The following PDE7B variants were observed in gnomAD, a reference collection of about 807,000 sequenced individuals.
PDE7B encodes the protein 3',5'-cyclic-AMP phosphodiesterase 7B.
PDE7B carries 29 observed loss-of-function variants against 56.2 expected under a neutral mutation model. The ratio of observed to expected loss-of-function variants is 0.52; its 90% CI spans 0.38 to 0.70. The LOEUF (loss-of-function observed/expected upper bound fraction) is 0.70, where lower values mean the gene tolerates loss of function less well. PDE7B is among the 30% of genes least tolerant of loss of function. PDE7B has a pLI of 0.00. For missense variants in PDE7B, 490 were observed against 565.0 expected (o/e 0.87, Z 1.35); for synonymous variants, 197 against 196.9 (o/e 1.00, Z 0.00).
intron 1 of PDE7B, among the ~76,000 whole-genome samples, chr6:135,929,092 G>A (rs1395761847): frequency 1.3e-5 from 2 of 152,134 alleles, no homozygotes; most frequent in African/African-American, 4.8e-5. Flanking sequence ...CCTTCTGCAT[G>A]CTACTTTTGT....
At chr6:136,037,244 G>T in intron 2 of PDE7B, among the ~76,000 whole-genome samples, 1 of 152,214 alleles carries the variant, frequency 6.6e-6, no homozygotes, top group East Asian at 1.9e-4. Flanking sequence ...GAATGAGCCT[G>T]AGCCACATAT....
intron 2 of PDE7B, among the ~76,000 whole-genome samples, chr6:135,978,637 ATTCT>A (rs991379159): frequency 2.6e-5 from 4 of 152,130 alleles, no homozygotes; most frequent in African/African-American, 7.2e-5. Context: ...GTACAAAAAA[ATTCT>A]TTATACCCTT....
intron 1 of PDE7B, among the ~76,000 whole-genome samples, chr6:135,922,053 A>C (rs866609331): frequency 7.9e-5 from 12 of 152,172 alleles, no homozygotes; most frequent in African/African-American, 2.7e-4. Context: ...ATATGAAATA[A>C]ATCTTGGGGA....
intron 1 of PDE7B, among the ~76,000 whole-genome samples, chr6:135,931,682 G>T (rs1414560450): frequency 6.6e-6 from 1 of 152,108 alleles, no homozygotes; most frequent in Non-Finnish European, 1.5e-5. Flanking sequence ...ATAAATGAGA[G>T]ATTTTTCAAC....
At chr6:135,922,612 T>C (rs945388490) in intron 1 of PDE7B, among the ~76,000 whole-genome samples, 2 of 152,192 alleles carry the variant, frequency 1.3e-5, no homozygotes, top group African/African-American at 4.8e-5. Flanking sequence ...ACTTCTTTAA[T>C]GTGAATATTC....
chr6:136,097,341 A>G (rs1777485633), intron 2 of PDE7B, among the ~76,000 whole-genome samples: 1 of 152,178 alleles, frequency 6.6e-6, no homozygotes, highest in Non-Finnish European at 1.5e-5. Flanking sequence ...GACTAGCACA[A>G]TCAGTCATCC....
intron 2 of PDE7B, among the ~76,000 whole-genome samples, chr6:136,037,030 A>G (rs1776334930): frequency 6.6e-6 from 1 of 152,228 alleles, no homozygotes; most frequent in African/African-American, 2.4e-5. Flanking sequence ...TGAGACTAGG[A>G]ACAAGAGGCA....
chr6:135,879,503 G>GGCA (rs1296702364), intron 1 of PDE7B, among the ~76,000 whole-genome samples: 1 of 151,954 alleles, frequency 6.6e-6, no homozygotes, highest in African/African-American at 2.4e-5. Context: ...CATTAGCCAA[G>GGCA]GCATACTCTG....
At chr6:135,973,662 C>T (rs578149634) in intron 2 of PDE7B, among the ~76,000 whole-genome samples, 9 of 152,182 alleles carry the variant, frequency 5.9e-5, no homozygotes, top group Admixed American at 1.3e-4. Context: ...AAGAGCCATC[C>T]TGACAGGTAT....
intron 3 of PDE7B, among the ~76,000 whole-genome samples, chr6:136,142,009 T>A (rs1254156421): frequency 2.0e-5 from 3 of 152,208 alleles, no homozygotes; most frequent in Admixed American, 2.0e-4. Flanking sequence ...TTTGCGTGTG[T>A]TTGCTCTTGC....
At chr6:136,176,615 C>G (rs553445484) in intron 9 of PDE7B, among the ~76,000 whole-genome samples, 1 of 152,148 alleles carries the variant, frequency 6.6e-6, no homozygotes, top group East Asian at 1.9e-4. Flanking sequence ...CATATCTTTA[C>G]TAATTATATC....
chr6:135,904,337 G>A (rs1443922557), intron 1 of PDE7B, among the ~76,000 whole-genome samples: 1 of 152,102 alleles, frequency 6.6e-6, no homozygotes, highest in Admixed American at 6.5e-5. Context: ...CTTGTTGCTG[G>A]CTGAGCCTGA....
At chr6:135,989,561 C>T (rs565911496) in intron 2 of PDE7B, among the ~76,000 whole-genome samples, 1 of 152,202 alleles carries the variant, frequency 6.6e-6, no homozygotes, top group African/African-American at 2.4e-5. Context: ...TTGTGGTGAG[C>T]TGAGATGGTG....
intron 2 of PDE7B, among the ~76,000 whole-genome samples, chr6:136,024,583 G>T (rs1384443036): frequency 8.5e-5 from 13 of 152,114 alleles, no homozygotes. Flanking sequence ...GCTCCACAGA[G>T]AAGGGAGCAG....
intron 1 of PDE7B, among the ~76,000 whole-genome samples, chr6:135,868,130 T>C (rs1374144055): frequency 6.6e-6 from 1 of 152,188 alleles, no homozygotes; most frequent in Admixed American, 6.5e-5. Context: ...TCCCAAATTA[T>C]GTCATTTATC....
chr6:135,863,975 T>C (rs1295426235), intron 1 of PDE7B, among the ~76,000 whole-genome samples: 1 of 152,100 alleles, frequency 6.6e-6, no homozygotes, highest in African/African-American at 2.4e-5. Flanking sequence ...TGACTTACTA[T>C]GTACAATTTA....
At chr6:136,002,012 C>A (rs1323472619) in intron 2 of PDE7B, among the ~76,000 whole-genome samples, 1 of 152,158 alleles carries the variant, frequency 6.6e-6, no homozygotes, top group Non-Finnish European at 1.5e-5. Flanking sequence ...TCGGCAGAAA[C>A]TCTATAAGCC....
intron 4 of PDE7B, 39 bp from the exon 5 acceptor site, chr6:136,149,048 G>A: frequency 7.0e-7 from 1 of 1,433,476 alleles, no homozygotes; most frequent in East Asian, 2.3e-5. Flanking sequence ...AGTCTCCAGT[G>A]TGATTCATTT....
At chr6:135,889,629 C>G (rs534412089) in intron 1 of PDE7B, among the ~76,000 whole-genome samples, 13 of 143,448 alleles carry the variant, frequency 9.1e-5, no homozygotes, top group Non-Finnish European at 9.1e-5. Flanking sequence ...TTAGTAGAGA[C>G]GGGGTTTTGC....
Sources: allele counts gnomAD v4.1 joint callset (sites outside exome capture counted in the v4.1 genomes callset), GRCh38; gene constraint gnomAD v4.1.1; transcripts MANE v1.5; gene names NCBI Gene and HGNC (gene_info 2026-07-23, HGNC 2026-07-21).